Variants in RGS6 observed in about 807,000 individuals in gnomAD.
The protein encoded by RGS6 is regulator of G-protein signaling 6.
Under a neutral mutation model 78.5 loss-of-function variants are expected in RGS6, and 30 were observed. The ratio of observed to expected loss-of-function variants is 0.38; its 90% CI spans 0.29 to 0.52. The LOEUF is 0.52. Ranked by LOEUF, RGS6 falls within the 20% of genes least tolerant of loss-of-function variation. The probability of loss-of-function intolerance (pLI) is 0.85; values close to 1 mark genes in which losing one functional copy is unlikely to be tolerated. For missense variants in RGS6, 495 were observed against 609.7 expected (o/e 0.81, Z 1.98); for synonymous variants, 206 against 206.0 (o/e 1.00, Z 0.00).
chr14:71,934,406 C>G (rs573352939), intron 1 of RGS6, among the ~76,000 whole-genome samples: 5 of 152,250 alleles, frequency 3.3e-5, no homozygotes, highest in Admixed American at 3.3e-4. Context: ...GAGAGGCCAC[C>G]AGTGTTTCCT....
intron 2 of RGS6, among the ~76,000 whole-genome samples, chr14:72,237,688 G>T (rs577144057): frequency 1.3e-5 from 2 of 152,258 alleles, no homozygotes; most frequent in South Asian, 4.1e-4. Flanking sequence ...ACTTGTGAAA[G>T]GGGTGTGGCC....
intron 2 of RGS6, among the ~76,000 whole-genome samples, chr14:72,244,837 T>G (rs921079542): frequency 1.3e-5 from 2 of 152,164 alleles, no homozygotes; most frequent in African/African-American, 4.8e-5. Flanking sequence ...TCTTTTTTTT[T>G]TTTTGAGACA....
intron 2 of RGS6, among the ~76,000 whole-genome samples, chr14:72,249,066 G>A (rs983983749): frequency 1.2e-4 from 18 of 152,158 alleles, no homozygotes; most frequent in African/African-American, 4.1e-4. Flanking sequence ...TGTAACAAAA[G>A]GTAGATTAAC....
At chr14:72,377,361 A>C (rs2085014458) in intron 3 of RGS6, among the ~76,000 whole-genome samples, 1 of 152,206 alleles carries the variant, frequency 6.6e-6, no homozygotes, top group African/African-American at 2.4e-5. Context: ...AATTGTAAAC[A>C]TATACACTTA....
At chr14:72,583,709 G>T in the RGS6 span, among the ~76,000 whole-genome samples, 1 of 152,156 alleles carries the variant, frequency 6.6e-6, no homozygotes, top group Non-Finnish European at 1.5e-5. Context: ...GATGCCCCAG[G>T]CCTCACGGGG....
chr14:72,405,074 A>G (rs879589698), intron 3 of RGS6, among the ~76,000 whole-genome samples: 4 of 152,094 alleles, frequency 2.6e-5, no homozygotes, highest in Non-Finnish European at 5.9e-5. Context: ...GTGTAAGGGA[A>G]AAAAAAATCC....
intron 2 of RGS6, among the ~76,000 whole-genome samples, chr14:72,127,380 G>A (rs1446008119): frequency 6.6e-6 from 1 of 152,056 alleles, no homozygotes; most frequent in African/African-American, 2.4e-5. Context: ...TAAATTATGA[G>A]ATTTATATTG....
At chr14:72,442,373 A>G (rs544390795) in intron 3 of RGS6, among the ~76,000 whole-genome samples, 2 of 152,054 alleles carry the variant, frequency 1.3e-5, no homozygotes, top group South Asian at 4.2e-4. Flanking sequence ...TGCTCAATCA[A>G]TCTCTTTTCA....
intron 15 of RGS6, among the ~76,000 whole-genome samples, chr14:72,518,909 C>G (rs549110658): frequency 6.6e-6 from 1 of 152,354 alleles, no homozygotes; most frequent in East Asian, 1.9e-4. Context: ...CCACATCTGT[C>G]TACCTCTGAA....
At chr14:72,162,896 C>A (rs939413127) in intron 2 of RGS6, among the ~76,000 whole-genome samples, 1 of 152,068 alleles carries the variant, frequency 6.6e-6, no homozygotes, top group Non-Finnish European at 1.5e-5. Context: ...ATGGCATTTG[C>A]AGCAACCTGG....
In RGS6 at chr14:72,562,479, G is replaced by A. The variant is rs370836962; in HGVS notation, c.*12G>A. 1.8e-5 allele frequency: 29 copies of A among 1,611,576 alleles called. No individual in the cohort carries two copies. The highest frequency in any genetic ancestry group is 4.5e-5 in the East Asian group (2 of 44,892). On this transcript the variant is annotated 3_prime_UTR_variant, in exon 18 of 18. Transcript: ENST00000553525. ...TGCAGTCCTCCTGACCGTTCCTACC[G>A]CAGGTCCAGGGCCTGGGCCCGCGGA...
At chr14:72,523,263 G>A (rs1290710527) in intron 15 of RGS6, among the ~76,000 whole-genome samples, 2 of 152,300 alleles carry the variant, frequency 1.3e-5, no homozygotes, top group African/African-American at 2.4e-5. Context: ...AGAAGTTCTA[G>A]TCCCTAGAGA....
At chr14:71,873,418 T>A in the RGS6 span, among the ~76,000 whole-genome samples, 1 of 152,214 alleles carries the variant, frequency 6.6e-6, no homozygotes, top group Admixed American at 6.5e-5. Flanking sequence ...TTTCATGTGT[T>A]TTTTGGCTGC....
intron 3 of RGS6, among the ~76,000 whole-genome samples, chr14:72,394,197 A>G (rs375571413): frequency 1.1e-4 from 16 of 152,168 alleles, no homozygotes; most frequent in African/African-American, 3.6e-4. Context: ...ATAAATTTTT[A>G]AAGCTGGGTG....
chr14:72,573,556 T>G, the RGS6 span, among the ~76,000 whole-genome samples: 2 of 152,326 alleles, frequency 1.3e-5, no homozygotes, highest in African/African-American at 4.8e-5. Context: ...CTGTGTTTCC[T>G]TTGAGCTTGA....
At chr14:72,525,768 C>T (rs530379640) in intron 15 of RGS6, among the ~76,000 whole-genome samples, 15 of 152,314 alleles carry the variant, frequency 9.8e-5, no homozygotes, top group African/African-American at 3.6e-4. Context: ...GGTATTAATC[C>T]TCTATTGGAA....
At chr14:71,910,896 C>T in the RGS6 span, among the ~76,000 whole-genome samples, 1 of 152,092 alleles carries the variant, frequency 6.6e-6, no homozygotes, top group Non-Finnish European at 1.5e-5. Flanking sequence ...TGGACAGTGA[C>T]AGGGTGTGGA....
chr14:72,596,580 T>C, the RGS6 span, among the ~76,000 whole-genome samples: 5 of 152,002 alleles, frequency 3.3e-5, no homozygotes, highest in Non-Finnish European at 5.9e-5. Context: ...GCAAAAAAAG[T>C]TCAGGAAATG....
chr14:72,571,551 T>C, the RGS6 span, among the ~76,000 whole-genome samples: 1 of 151,910 alleles, frequency 6.6e-6, no homozygotes, highest in African/African-American at 2.4e-5. Context: ...TTAACAAGAG[T>C]GTCAAAACAA....
Sources: allele counts gnomAD v4.1 joint callset (sites outside exome capture counted in the v4.1 genomes callset), GRCh38; gene constraint gnomAD v4.1.1; transcripts MANE v1.5; gene names NCBI Gene and HGNC (gene_info 2026-07-23, HGNC 2026-07-21).